Variants in MYO16 observed in about 807,000 individuals in gnomAD.
MYO16 encodes myosin XVI, also known as unconventional myosin-XVI.
A neutral mutation model predicts 205.3 loss-of-function variants in MYO16; 94 were observed. The ratio of observed to expected loss-of-function variants is 0.46; its 90% CI spans 0.39 to 0.54. The LOEUF (loss-of-function observed/expected upper bound fraction) is 0.54, where lower values mean the gene tolerates loss of function less well. Among genes scored for constraint, MYO16 ranks in the 20% least tolerant of loss-of-function variants. The probability of loss-of-function intolerance (pLI) is 0.00; values close to 1 mark genes in which losing one functional copy is unlikely to be tolerated. For missense variants in MYO16, 2,315 were observed against 2,387.5 expected, an observed-to-expected ratio of 0.97 and a Z score of 0.63; for synonymous variants, 988 against 954.0, an observed-to-expected ratio of 1.04 and a Z score of -0.66.
intron 23 of MYO16, among the ~76,000 whole-genome samples, chr13:109,039,673 T>C (rs1886821407): frequency 6.6e-6 from 1 of 152,154 alleles, no homozygotes. Context: ...GTACAACATG[T>C]CAAACTTGTG....
chr13:108,982,477 T>G (rs2139417421), intron 20 of MYO16, among the ~76,000 whole-genome samples: 1 of 152,282 alleles, frequency 6.6e-6, no homozygotes, highest in Non-Finnish European at 1.5e-5. Context: ...AATAAAAGCA[T>G]AATAAGTTAA....
At chr13:108,666,869 C>A (rs1173296815) in intron 2 of MYO16, among the ~76,000 whole-genome samples, 1 of 152,112 alleles carries the variant, frequency 6.6e-6, no homozygotes, top group Non-Finnish European at 1.5e-5. Context: ...ACCCACTTTC[C>A]CAAGTTCAAA....
At position 108,629,777 on chromosome 13, in the gene MYO16, TG is replaced by T; in HGVS notation, c.-65del. ...TAAGGGCTTTAAGTAATGCATTTCC[TG>T]GGAACGACAGTTGTGACAGAAGAGA... On this transcript the variant is annotated 5_prime_UTR_variant, in exon 1 of 35. An upstream open reading frame in the 5' UTR gains an earlier in-frame stop. Transcript: ENST00000457511. 1.4e-6 allele frequency: 2 copies of T among 1,447,568 alleles called. No individual in the cohort carries two copies. The highest frequency in any genetic ancestry group is 1.9e-6 in the Non-Finnish European group (2 of 1,070,838). The allele number at this position is 1,447,568 out of a possible 1,614,324, so 89.7% of individuals were successfully genotyped here.
chr13:108,874,733 A>ATTATTG (rs1566383244), intron 12 of MYO16, among the ~76,000 whole-genome samples: 23 of 146,896 alleles, frequency 1.6e-4, no homozygotes, highest in African/African-American at 5.0e-4. Context: ...TATTATTATT[A>ATTATTG]TTATATGTGA....
intron 2 of MYO16, among the ~76,000 whole-genome samples, chr13:108,667,888 AT>A (rs1376813374): frequency 6.6e-6 from 1 of 152,004 alleles, no homozygotes; most frequent in Non-Finnish European, 1.5e-5. Context: ...TCTACAAAAT[AT>A]TTTTTAAAAT....
chr13:108,573,875 G>A, the MYO16 span, among the ~76,000 whole-genome samples: 3 of 152,124 alleles, frequency 2.0e-5, no homozygotes, highest in Admixed American at 6.5e-5. Flanking sequence ...GTTTAAGGCA[G>A]GGTCTCACTC....
chr13:108,636,143 G>C (rs1485363414), intron 1 of MYO16, among the ~76,000 whole-genome samples: 1 of 151,734 alleles, frequency 6.6e-6, no homozygotes, highest in Non-Finnish European at 1.5e-5. Context: ...TCCATTTCTG[G>C]TTTATGTTTT....
intron 22 of MYO16, among the ~76,000 whole-genome samples, chr13:109,009,341 T>TA (rs1371325707): frequency 1.3e-5 from 2 of 152,098 alleles, no homozygotes; most frequent in African/African-American, 4.8e-5. Context: ...GTGCCTATTG[T>TA]AAAAAAACAG....
chr13:108,875,847 C>T (rs558373736), intron 12 of MYO16, among the ~76,000 whole-genome samples: 16 of 152,136 alleles, frequency 1.1e-4, no homozygotes, highest in Admixed American at 9.8e-4. Context: ...GCACTCCAGC[C>T]TGGGCAGCTG....
At chr13:108,523,617 C>A in the MYO16 span, among the ~76,000 whole-genome samples, 1 of 152,178 alleles carries the variant, frequency 6.6e-6, no homozygotes, top group African/African-American at 2.4e-5. Context: ...CTGGCCTGAG[C>A]CTCCCTTTCT....
chr13:109,039,129 T>C (rs1213134256), intron 23 of MYO16, among the ~76,000 whole-genome samples: 2 of 152,220 alleles, frequency 1.3e-5, no homozygotes, highest in Non-Finnish European at 2.9e-5. Flanking sequence ...GATTCATTCT[T>C]CTTGCATATC....
chr13:108,809,978 A>G (rs970634864), intron 7 of MYO16, among the ~76,000 whole-genome samples: 3 of 152,180 alleles, frequency 2.0e-5, no homozygotes, highest in Non-Finnish European at 4.4e-5. Context: ...TTTGCGAATC[A>G]TGAAGATGAA....
intron 9 of MYO16, among the ~76,000 whole-genome samples, chr13:108,842,696 G>C (rs1002156122): frequency 8.6e-5 from 13 of 152,036 alleles, no homozygotes; most frequent in African/African-American, 3.1e-4. Flanking sequence ...CAAGTATGGA[G>C]TTTCCTCAAA....
chr13:109,038,837 A>G (rs1462364029), intron 23 of MYO16, among the ~76,000 whole-genome samples: 6 of 151,986 alleles, frequency 3.9e-5, no homozygotes, highest in East Asian at 1.9e-4. Context: ...CAATTTTTCA[A>G]TGCATAGGTT....
intron 4 of MYO16, among the ~76,000 whole-genome samples, chr13:108,729,830 G>A (rs190501291): frequency 6.6e-6 from 1 of 151,986 alleles, no homozygotes; most frequent in African/African-American, 2.4e-5. Flanking sequence ...ATCGGAAAGA[G>A]CAAGAGGACT....
At chr13:108,910,776 T>C (rs2139235607) in intron 16 of MYO16, among the ~76,000 whole-genome samples, 1 of 152,182 alleles carries the variant, frequency 6.6e-6, no homozygotes, top group East Asian at 1.9e-4. Context: ...AGAAACAATA[T>C]GGGAAATGAA....
intron 24 of MYO16, among the ~76,000 whole-genome samples, chr13:109,052,034 A>G (rs780443564): frequency 1.1e-4 from 17 of 152,190 alleles, no homozygotes; most frequent in Admixed American, 5.2e-4. Flanking sequence ...AAACTAGGAT[A>G]GAAGTGTTAC....
At chr13:108,876,671 T>C (rs975018626) in intron 12 of MYO16, among the ~76,000 whole-genome samples, 46 of 20,722 alleles carry the variant, frequency 2.2e-3, no homozygotes, top group African/African-American at 5.4e-3. Context: ...TTCTCTCTCT[T>C]TTTTTTTTTT....
the MYO16 span, among the ~76,000 whole-genome samples, chr13:108,567,689 A>C: frequency 6.6e-6 from 1 of 152,096 alleles, no homozygotes; most frequent in South Asian, 2.1e-4. Flanking sequence ...CTGTTTTAAC[A>C]TCTTTATTGA....
Sources: allele counts gnomAD v4.1 joint callset (sites outside exome capture counted in the v4.1 genomes callset), GRCh38; gene constraint gnomAD v4.1.1; transcripts MANE v1.5; gene names NCBI Gene and HGNC (gene_info 2026-07-23, HGNC 2026-07-21).